CPEB3: variants seen among roughly 807,000 people sequenced by gnomAD.
The protein encoded by CPEB3 is cytoplasmic polyadenylation element binding protein 3.
In CPEB3, 20 loss-of-function variants were observed where a neutral mutation model predicts 67.2. The ratio of observed to expected loss-of-function variants is 0.30; its 90% CI spans 0.21 to 0.43. The LOEUF is 0.43. Among genes scored for constraint, CPEB3 ranks in the 20% least tolerant of loss-of-function variants. The pLI, the probability that CPEB3 is intolerant of heterozygous loss-of-function variation, is 1.00. For synonymous variants in CPEB3, 376 were observed against 393.1 expected (o/e 0.96, Z 0.51); for missense variants, 746 against 968.6 (o/e 0.77, Z 3.05).
intron 4 of CPEB3, among the ~76,000 whole-genome samples, chr10:92,165,944 T>A (rs1199438399): frequency 1.3e-5 from 2 of 152,198 alleles, no homozygotes; most frequent in African/African-American, 4.8e-5. Context: ...ACTGACCTCT[T>A]CAAATTCCTG....
intron 2 of CPEB3, among the ~76,000 whole-genome samples, chr10:92,208,032 G>C (rs946896343): frequency 6.6e-6 from 1 of 152,220 alleles, no homozygotes; most frequent in Non-Finnish European, 1.5e-5. Flanking sequence ...TGTTGAAGTA[G>C]GATAGGGTAT....
chr10:92,239,440 G>A lies in CPEB3; in HGVS notation c.911C>T (p.Pro304Leu). ...GAGAGGGGCCGCGCGAGGGAACTTG[G>A]GCGGCGCGATCACGTTGCTGGAGAA... ...KPFSSNVIAP[P>L]KFPRAAPLTS... The change falls in exon 2 of 10, where the codon CCC becomes CTC. Residue 304 changes from proline (P) to leucine (L), a missense_variant. Transcript: ENST00000265997. This position sits in a 1 kb window ranked among gnomAD's most constrained non-coding sequence, Gnocchi z 6.0. 2 of 1,601,570 alleles carry A rather than the reference G, an allele frequency of 1.2e-6. No individual in the cohort carries two copies. The highest frequency in any genetic ancestry group is 1.7e-6 in the Non-Finnish European group (2 of 1,173,792).
intron 4 of CPEB3, among the ~76,000 whole-genome samples, chr10:92,176,439 C>T (rs545415330): frequency 2.0e-5 from 3 of 152,354 alleles, no homozygotes; most frequent in African/African-American, 7.2e-5. Flanking sequence ...GGAATGGGAT[C>T]TACCTAACTC....
intron 2 of CPEB3, among the ~76,000 whole-genome samples, chr10:92,203,789 T>G (rs896109080): frequency 1.3e-5 from 2 of 152,086 alleles, no homozygotes; most frequent in African/African-American, 2.4e-5. Flanking sequence ...TGACTTCAGC[T>G]GCTCCATTCA....
intron 8 of CPEB3, among the ~76,000 whole-genome samples, chr10:92,087,456 G>A (rs571805541): frequency 6.6e-6 from 1 of 152,304 alleles, no homozygotes; most frequent in African/African-American, 2.4e-5. Context: ...TGATCTGTTT[G>A]CAGGGCCTAA....
At chr10:92,203,691 G>A (rs1254664700) in intron 2 of CPEB3, among the ~76,000 whole-genome samples, 1 of 151,830 alleles carries the variant, frequency 6.6e-6, no homozygotes, top group Admixed American at 6.6e-5. Context: ...CAAAGTGCTG[G>A]GATTGCAGAC....
At chr10:92,251,958 AAAG>A (rs1409092297) in intron 1 of CPEB3, among the ~76,000 whole-genome samples, 1 of 151,928 alleles carries the variant, frequency 6.6e-6, no homozygotes, top group Non-Finnish European at 1.5e-5. Flanking sequence ...AAAAAAAAAA[AAAG>A]AAGTCACAAA....
intron 2 of CPEB3, among the ~76,000 whole-genome samples, chr10:92,231,625 T>G (rs1851271141): frequency 6.6e-6 from 1 of 152,226 alleles, no homozygotes; most frequent in African/African-American, 2.4e-5. Flanking sequence ...ATGTCTTCCT[T>G]ATTCCAAGTT....
At chr10:92,064,066 G>A (rs1348080007) in intron 9 of CPEB3, among the ~76,000 whole-genome samples, 2 of 152,124 alleles carry the variant, frequency 1.3e-5, no homozygotes, top group Non-Finnish European at 2.9e-5. Flanking sequence ...AGCACATCAA[G>A]CAAGGCTTTA....
At chr10:92,062,555 C>A (rs920017815) in intron 9 of CPEB3, among the ~76,000 whole-genome samples, 3 of 152,136 alleles carry the variant, frequency 2.0e-5, no homozygotes, top group Non-Finnish European at 4.4e-5. Flanking sequence ...ATACAAAGTT[C>A]TTTCCTAAAA....
At chr10:92,081,966 G>C (rs557863916) in intron 8 of CPEB3, among the ~76,000 whole-genome samples, 1 of 152,122 alleles carries the variant, frequency 6.6e-6, no homozygotes, top group African/African-American at 2.4e-5. Context: ...TTAACTAACT[G>C]CTTGTTTTAA....
chr10:92,058,580 CATA>C (rs1564745067), intron 9 of CPEB3, among the ~76,000 whole-genome samples: 1 of 121,546 alleles, frequency 8.2e-6, no homozygotes, highest in African/African-American at 2.8e-5. Flanking sequence ...TACATACATA[CATA>C]CATACATACA....
At chr10:92,190,581 C>A (rs528409161) in intron 3 of CPEB3, among the ~76,000 whole-genome samples, 1 of 145,266 alleles carries the variant, frequency 6.9e-6, no homozygotes, top group East Asian at 2.1e-4. Flanking sequence ...AGGAGAATCG[C>A]TTGAACCCAT....
intron 6 of CPEB3, chr10:92,119,262 A>G: frequency 6.4e-7 from 1 of 1,565,394 alleles, no homozygotes. Context: ...AGTTCTCCTT[A>G]TTTGTTTAGA....
chr10:92,264,283 A>G (rs1036106711), intron 1 of CPEB3, among the ~76,000 whole-genome samples: 19 of 151,748 alleles, frequency 1.3e-4, no homozygotes, highest in African/African-American at 4.6e-4. Flanking sequence ...AGCTGAGATC[A>G]TGCCACTGCA....
intron 8 of CPEB3, among the ~76,000 whole-genome samples, chr10:92,085,879 G>C (rs1019866773): frequency 6.6e-6 from 1 of 152,102 alleles, no homozygotes; most frequent in African/African-American, 2.4e-5. Flanking sequence ...CAAAGTGCTG[G>C]GATTACAGGC....
Position 92,239,660 on chromosome 10 carries a change from C to T in CPEB3, c.691G>A (p.Ala231Thr). 1 of 1,562,132 alleles carries T rather than the reference C, an allele frequency of 6.4e-7. No homozygotes were observed. Among genetic ancestry groups the T allele is most frequent in the Non-Finnish European group, 8.7e-7 (1 of 1,154,824 alleles). ...GAGGCCGACGAGGCGGCGGCTGCGG[C>T]AGCAGCGGCTGCAACCGCCGAAGAC... is the stretch of plus-strand genomic sequence containing the variant. ...SSSSAVAAAA[A>T]AAAASSASSS... Residue 231 changes from alanine (A) to threonine (T), a missense_variant, in exon 2 of 10, where the codon GCC becomes ACC. Physicochemically the swap from Ala to Thr is moderately conservative, Grantham distance 58. Transcript: ENST00000265997. The surrounding 1 kb of genome is among the most constrained non-coding windows in gnomAD (Gnocchi z 6.0).
chr10:92,145,979 T>C (rs1176699905), intron 4 of CPEB3, among the ~76,000 whole-genome samples: 3 of 152,108 alleles, frequency 2.0e-5, no homozygotes, highest in Admixed American at 6.6e-5. Flanking sequence ...GAAATAAACA[T>C]ACGCAATAAT....
rs2133778319 is a variant in CPEB3, at chr10:92,137,346, G to A, written c.1453+5683C>T. On this transcript the variant is annotated intron_variant, in intron 6 of 9. Coordinates refer to ENST00000265997, the MANE Select transcript of CPEB3 (RefSeq NM_014912.5). ...GTACCCCTGGCCATATATCTGATAT[G>A]CTTAACCAGAGATACCTGTCTCCCA... 5.3e-6 allele frequency: 5 copies of A among 937,112 alleles called. No individual in the cohort carries two copies. In the East Asian group the frequency reaches 7.8e-5, roughly 15 times the overall value. 58.0% of individuals were successfully genotyped at this position (937,112 alleles called of 1,614,324 possible).
Sources: gnomAD v4.1 joint callset for allele counts (sites outside exome capture counted in the v4.1 genomes callset) on GRCh38, gnomAD v4.1.1 for gene constraint, Gnocchi (gnomAD v3.1) non-coding constraint, MANE v1.5 for transcripts, NCBI Gene and HGNC (gene_info 2026-07-23, HGNC 2026-07-21) for gene names.